STK33: variants seen among roughly 807,000 people sequenced by gnomAD.
STK33 encodes serine/threonine-protein kinase 33.
In STK33, 52 loss-of-function variants were observed where a neutral mutation model predicts 58.0. That is an observed-to-expected ratio of 0.90 (90% CI 0.72 to 1.13). The LOEUF (loss-of-function observed/expected upper bound fraction) is 1.13. STK33 is among the 50% of genes most tolerant of loss of function. The pLI, the probability that STK33 is intolerant of heterozygous loss-of-function variation, is 0.00. For missense variants in STK33, 630 were observed against 604.2 expected (o/e 1.04, Z -0.45); for synonymous variants, 215 against 200.1 (o/e 1.07, Z -0.63).
At chr11:8,382,300 A>G in the STK33 span, among the ~76,000 whole-genome samples, 1 of 152,224 alleles carries the variant, frequency 6.6e-6, no homozygotes, top group Non-Finnish European at 1.5e-5. Context: ...CTGGCTGACC[A>G]GAGGCTGCAC....
downstream of STK33, among the ~76,000 whole-genome samples, chr11:8,387,696 G>A (rs1267681992): frequency 6.6e-6 from 1 of 152,176 alleles, no homozygotes; most frequent in Non-Finnish European, 1.5e-5. Flanking sequence ...GTAACTAAGT[G>A]GAAGCCAGTG....
chr11:8,573,847 T>C (rs993057619), intron 1 of STK33, among the ~76,000 whole-genome samples: 2 of 152,350 alleles, frequency 1.3e-5, no homozygotes, highest in East Asian at 3.9e-4. Flanking sequence ...TGATTCCATT[T>C]ATATAACATT....
chr11:8,442,030 T>C (rs1315090933), intron 11 of STK33, among the ~76,000 whole-genome samples: 2 of 143,326 alleles, frequency 1.4e-5, no homozygotes, highest in African/African-American at 2.6e-5. Flanking sequence ...TACCTACACC[T>C]ACACACACAC....
the STK33 span, among the ~76,000 whole-genome samples, chr11:8,377,506 C>T: frequency 6.6e-6 from 1 of 152,208 alleles, no homozygotes; most frequent in Non-Finnish European, 1.5e-5. Context: ...AGACCCACAG[C>T]ACTCCATCAT....
chr11:8,587,874 T>C (rs2031962817), intron 1 of STK33, among the ~76,000 whole-genome samples: 1 of 152,224 alleles, frequency 6.6e-6, no homozygotes, highest in Non-Finnish European at 1.5e-5. Flanking sequence ...CCTTGAAGCT[T>C]ACATCCTCAA....
At chr11:8,423,071 G>C (rs943549971) in intron 14 of STK33, among the ~76,000 whole-genome samples, 1 of 151,282 alleles carries the variant, frequency 6.6e-6, no homozygotes, top group Non-Finnish European at 1.5e-5. Context: ...CAAACTCCTG[G>C]ACTCAAGCAA....
In STK33 at chr11:8,454,851, A is replaced by G. The variant is rs1946661118; in HGVS notation, c.698-19T>C. 6.6e-7 allele frequency: 1 copy of G among 1,523,220 alleles called. No homozygotes were observed. The highest frequency in any genetic ancestry group is 2.2e-5 in the Admixed American group (1 of 45,734). The allele number at this position is 1,523,220 out of a possible 1,614,324, so 94.4% of individuals were successfully genotyped here. A position where few individuals can be genotyped will look rare whatever the true frequency, so the allele number is the denominator to read the frequency against. ...ACAATATCTACCAAGAAAATAAACAACAAATCAAATGAAATGAATAATGGA... is the reference window on the plus strand; with the variant it reads ...ACAATATCTACCAAGAAAATAAACAGCAAATCAAATGAAATGAATAATGGA... On this transcript the variant is annotated intron_variant, in intron 9 of 15. Transcript: ENST00000687296.
At position 8,551,096 on chromosome 11, in the gene STK33, C is replaced by T. The variant is rs79468288; in HGVS notation, c.-466+42987G>A. ...TTTACATGGATGGCAGCAGGCAAAA[C>T]GACTCCCTGAAATTATTTAAGTCAG... On this transcript the variant is annotated intron_variant, in intron 1 of 15. Transcript: ENST00000687296. Among the ~76,000 whole-genome samples, 1,262 of 152,044 alleles carry T rather than the reference C, an allele frequency of 8.3e-3. 7 individuals carry two copies. Among genetic ancestry groups the T allele is most frequent in the Non-Finnish European group, 0.013 (883 of 67,998 alleles).
At chr11:8,512,405 T>C (rs908770262) in intron 1 of STK33, among the ~76,000 whole-genome samples, 4 of 152,076 alleles carry the variant, frequency 2.6e-5, no homozygotes, top group East Asian at 1.9e-4. Context: ...AAACGAAGTA[T>C]ACAAAGTGCT....
At chr11:8,541,924 T>G (rs1470150632) in intron 1 of STK33, among the ~76,000 whole-genome samples, 1 of 152,196 alleles carries the variant, frequency 6.6e-6, no homozygotes, top group African/African-American at 2.4e-5. Context: ...TCAGACTATG[T>G]TTCACATCTC....
intron 14 of STK33, among the ~76,000 whole-genome samples, chr11:8,417,089 T>C (rs1941241798): frequency 6.6e-6 from 1 of 152,168 alleles, no homozygotes; most frequent in Non-Finnish European, 1.5e-5. Context: ...GCAGACACTG[T>C]AGATGTACAT....
At chr11:8,593,499 A>C (rs2032939748) in intron 1 of STK33, among the ~76,000 whole-genome samples, 1 of 152,194 alleles carries the variant, frequency 6.6e-6, no homozygotes, top group Admixed American at 6.5e-5. Flanking sequence ...CGACCTTGTG[A>C]GAAATTATAA....
chr11:8,357,095 C>T, the STK33 span, among the ~76,000 whole-genome samples: 26 of 152,370 alleles, frequency 1.7e-4, no homozygotes, highest in African/African-American at 6.3e-4. Context: ...TCCCTCCTCC[C>T]GGCAGGGCTG....
chr11:8,440,693 A>T lies in STK33; in HGVS notation c.932T>A (p.Val311Asp). 2 of 1,566,742 alleles carry T rather than the reference A, an allele frequency of 1.3e-6. No homozygotes were observed. Among genetic ancestry groups the T allele is most frequent in the Non-Finnish European group, 1.7e-6 (2 of 1,153,594 alleles). The change falls in exon 12 of 16, where the codon GTC becomes GAC. Residue 311 changes from valine to aspartate, a missense_variant. By Grantham distance (152) the Val-to-Asp change is radical. Transcript: ENST00000687296. Reference sequence around the variant, plus strand: ...GGCTACTTACAACATGTACATTACGACGCCTATGCTCCAAATGTCACACTG... The same window carrying T: ...GGCTACTTACAACATGTACATTACGTCGCCTATGCTCCAAATGTCACACTG... ...SQQCDIWSIG[V>D]VMYMLLRGEP...
intron 1 of STK33, among the ~76,000 whole-genome samples, chr11:8,548,799 T>G (rs545612759): frequency 6.6e-6 from 1 of 152,332 alleles, no homozygotes; most frequent in East Asian, 1.9e-4. Context: ...ATTTTATCAT[T>G]TGCATTATAA....
At chr11:8,393,296 G>C (rs778098088) in intron 15 of STK33, among the ~76,000 whole-genome samples, 1 of 152,166 alleles carries the variant, frequency 6.6e-6, no homozygotes, top group East Asian at 1.9e-4. Flanking sequence ...CTTACCATAA[G>C]AATGAAGAGA....
chr11:8,456,673 G>A (rs1160573774), intron 9 of STK33, among the ~76,000 whole-genome samples: 2 of 152,140 alleles, frequency 1.3e-5, no homozygotes, highest in African/African-American at 2.4e-5. Flanking sequence ...ACGGGGGGAG[G>A]AGCAGCAGCA....
At position 8,409,457 on chromosome 11, in the gene STK33, A is replaced by C. The variant is rs150835257; in HGVS notation, c.1344+4038T>G. On this transcript the variant is annotated intron_variant, in intron 15 of 15. Coordinates refer to ENST00000687296, the MANE Select transcript of STK33 (RefSeq NM_001352389.2). Reference sequence around the variant, plus strand: ...AACGGCCAAGACCAACATTAGTAGGATGAGAAAATAGCCTTCAACAGTTCT... The same window carrying C: ...AACGGCCAAGACCAACATTAGTAGGCTGAGAAAATAGCCTTCAACAGTTCT... Among the ~76,000 whole-genome samples, 572 of 152,342 alleles carry C rather than the reference A, an allele frequency of 3.8e-3. 2 individuals carry two copies. The highest frequency in any genetic ancestry group is 8.5e-3 in the South Asian group (41 of 4,828).
intron 1 of STK33, among the ~76,000 whole-genome samples, chr11:8,499,001 C>A (rs1218601785): frequency 6.6e-6 from 1 of 152,160 alleles, no homozygotes; most frequent in African/African-American, 2.4e-5. Context: ...CTAGCCAATA[C>A]CATTCAGGAC....
Sources: allele counts gnomAD v4.1 joint callset (sites outside exome capture counted in the v4.1 genomes callset), GRCh38; gene constraint gnomAD v4.1.1; transcripts MANE v1.5; gene names NCBI Gene and HGNC (gene_info 2026-07-23, HGNC 2026-07-21).